Variants in VPS13D observed in about 807,000 individuals in gnomAD.
VPS13D encodes intermembrane lipid transfer protein VPS13D.
Under a neutral mutation model 461.9 loss-of-function variants are expected in VPS13D, and 187 were observed. The ratio of observed to expected loss-of-function variants is 0.40; its 90% confidence interval spans 0.36 to 0.46. The LOEUF (loss-of-function observed/expected upper bound fraction) is 0.46. Among genes scored for constraint, VPS13D ranks in the 20% least tolerant of loss-of-function variants. The pLI is 0.60. For missense variants in VPS13D, 4,711 were observed against 5,364.9 expected, an observed-to-expected ratio of 0.88 and a Z score of 3.81; for synonymous variants, 1,951 against 1,986.3, an observed-to-expected ratio of 0.98 and a Z score of 0.47.
At chr1:12,361,095 G>A (rs1461463745) in intron 50 of VPS13D, among the ~76,000 whole-genome samples, 1 of 152,234 alleles carries the variant, frequency 6.6e-6, no homozygotes, top group African/African-American at 2.4e-5. Context: ...CCATGCCTTC[G>A]TTTCCTCATC....
At chr1:12,423,375 G>A (rs80197210) in intron 65 of VPS13D, among the ~76,000 whole-genome samples, 5,355 of 152,196 alleles carry the variant, frequency 0.035, 195 homozygotes, top group Admixed American at 0.11. Context: ...ATGCCTCTAT[G>A]TGTTAAACAA....
At chr1:12,308,164 C>T (rs1394882556) in intron 26 of VPS13D, among the ~76,000 whole-genome samples, 3 of 152,102 alleles carry the variant, frequency 2.0e-5, no homozygotes, top group South Asian at 2.1e-4. Context: ...GGGCATGAGA[C>T]ACCGTAGAAC....
intron 24 of VPS13D, among the ~76,000 whole-genome samples, chr1:12,295,078 CG>C (rs142108606): frequency 0.064 from 9,526 of 148,760 alleles, 825 homozygotes; most frequent in African/African-American, 0.2. Flanking sequence ...AGAAATTAGC[CG>C]GGTGTGGTGA....
chr1:12,444,929 T>A (rs1645174724), intron 65 of VPS13D, among the ~76,000 whole-genome samples: 1 of 152,224 alleles, frequency 6.6e-6, no homozygotes, highest in Non-Finnish European at 1.5e-5. Flanking sequence ...AGTTTTTAAA[T>A]TTTCCCCCAT....
chr1:12,446,205 A>G (rs1025164414), intron 65 of VPS13D, among the ~76,000 whole-genome samples: 4 of 152,166 alleles, frequency 2.6e-5, no homozygotes, highest in South Asian at 2.1e-4. Context: ...TCATGAGGTC[A>G]GGAGTTTGAG....
chr1:12,358,955 A>AT (rs1475673432), intron 50 of VPS13D, among the ~76,000 whole-genome samples: 1 of 152,202 alleles, frequency 6.6e-6, no homozygotes, highest in African/African-American at 2.4e-5. Flanking sequence ...ATTCATTAAA[A>AT]TTTGCAAGCC....
At chr1:12,487,928 A>G (rs1645822742) in intron 67 of VPS13D, among the ~76,000 whole-genome samples, 1 of 152,216 alleles carries the variant, frequency 6.6e-6, no homozygotes, top group African/African-American at 2.4e-5. Flanking sequence ...AATTTCAATT[A>G]TGAGAATTTG....
chr1:12,357,728 G>C (rs1018681267), intron 49 of VPS13D, among the ~76,000 whole-genome samples: 4 of 152,192 alleles, frequency 2.6e-5, no homozygotes, highest in African/African-American at 9.7e-5. Flanking sequence ...GTATCAGGCC[G>C]GCTGGGTACG....
intron 2 of VPS13D, among the ~76,000 whole-genome samples, chr1:12,239,905 G>A (rs1640289129): frequency 2.0e-5 from 3 of 151,840 alleles, no homozygotes; most frequent in African/African-American, 7.3e-5. Flanking sequence ...AGTACATTGG[G>A]GTCTGTCTGG....
chr1:12,352,192 A>G (rs1050211334), intron 46 of VPS13D, among the ~76,000 whole-genome samples: 2 of 151,852 alleles, frequency 1.3e-5, no homozygotes, highest in African/African-American at 4.8e-5. Flanking sequence ...TCCAGAGGCT[A>G]AGGCAGGAGA....
chr1:12,326,075 A>C (rs1643174933), intron 35 of VPS13D, among the ~76,000 whole-genome samples: 1 of 150,822 alleles, frequency 6.6e-6, no homozygotes, highest in African/African-American at 2.4e-5. Context: ...ATTCCAGCCA[A>C]TTTATGTGTG....
At chr1:12,231,062 C>G (rs1275897600) in intron 1 of VPS13D, among the ~76,000 whole-genome samples, 5 of 152,196 alleles carry the variant, frequency 3.3e-5, no homozygotes, top group Admixed American at 3.3e-4. Context: ...GGTCCGGTTG[C>G]CAGTCCTTCC....
In VPS13D at chr1:12,342,904, C is replaced by T; in HGVS notation, c.8738C>T (p.Ala2913Val). 4 of 1,610,238 alleles carry T rather than the reference C, an allele frequency of 2.5e-6. No homozygotes were observed. The highest frequency in any genetic ancestry group is 3.4e-6 in the Non-Finnish European group (4 of 1,177,198). Residue 2913 changes from alanine (A) to valine (V), a missense_variant, in exon 42 of 70, where the codon GCA (alanine) becomes GTA (valine). Ala to Val is a moderately conservative substitution (Grantham distance 64). Transcript: ENST00000620676. ...GTCATCTGATTTGGTTCCAGAGCTG[C>T]ACTCTCTCACAGTGGGAGTCCAGGG... ...ATLTTTPTRA[A>V]LSHSGSPGVV... is the part of the protein sequence containing the mutation.
chr1:12,402,933 G>A (rs1644599298), intron 62 of VPS13D, among the ~76,000 whole-genome samples: 1 of 152,202 alleles, frequency 6.6e-6, no homozygotes, highest in Non-Finnish European at 1.5e-5. Context: ...GACAGAGGCA[G>A]CATGCAGCCC....
In VPS13D at chr1:12,486,554, C is replaced by T. The variant is rs546877094; in HGVS notation, c.12663-10946C>T. ...CTTTTCCTTCCTGGAAAAGTGCAGA[C>T]GGTGCACGTTCCCCGGAGGCCACCA... On this transcript the variant is annotated intron_variant, in intron 67 of 69. Coordinates refer to ENST00000620676, the MANE Select transcript of VPS13D (RefSeq NM_015378.4). Among the ~76,000 whole-genome samples, 13 of 152,282 alleles carry T rather than the reference C, an allele frequency of 8.5e-5. No individual in the cohort carries two copies. The South Asian group carries it at 1.9e-3, about 22-fold the overall frequency.
intron 65 of VPS13D, among the ~76,000 whole-genome samples, chr1:12,423,440 C>T (rs192633586): frequency 1.4e-4 from 21 of 152,236 alleles, no homozygotes; most frequent in African/African-American, 5.1e-4. Flanking sequence ...CTACCTAGTC[C>T]CACAGTGAAC....
At chr1:12,266,105 C>T (rs1641259098) in intron 13 of VPS13D, among the ~76,000 whole-genome samples, 1 of 152,152 alleles carries the variant, frequency 6.6e-6, no homozygotes, top group African/African-American at 2.4e-5. Context: ...TTTGAAGTTA[C>T]AGTGAGCTAT....
rs759523947 is a variant in VPS13D, at chr1:12,279,614, C to G, written c.4566C>G (p.Ile1522Met). ...CAGATGACCTGGGAACTTCTAGCAT[C>G]ATGAAGATTGAAGGAAAATTTGTCA... Reference protein sequence around the residue: ...LSPDDLGTSSIMKIEGKFVNP... With the variant: ...LSPDDLGTSSMMKIEGKFVNP... The change falls in exon 20 of 70, where the codon ATC becomes ATG. Residue 1522 changes from isoleucine to methionine, a missense_variant. Around this residue, in one of 3 missense-constraint regions of VPS13D, gnomAD observed 4,411 missense variants for 4,937.8 expected, o/e 0.89. Coordinates refer to ENST00000620676, the MANE Select transcript of VPS13D (RefSeq NM_015378.4). This position sits in a 1 kb window ranked among gnomAD's most constrained non-coding sequence, Gnocchi z 4.3. 1 of 1,612,098 alleles carries G rather than the reference C, an allele frequency of 6.2e-7. No homozygotes were observed. The highest frequency in any genetic ancestry group is 1.1e-5 in the South Asian group (1 of 90,790).
At chr1:12,380,929 A>C (rs77455341) in intron 57 of VPS13D, among the ~76,000 whole-genome samples, 3,719 of 152,294 alleles carry the variant, frequency 0.024, 76 homozygotes, top group Non-Finnish European at 0.039. Context: ...AAACTTCTAG[A>C]GGCAAAGAGG....
Sources: gnomAD v4.1 joint callset for allele counts (sites outside exome capture counted in the v4.1 genomes callset) on GRCh38, gnomAD v4.1.1 for gene constraint, gnomAD v4.1.1 regional missense constraint, Gnocchi (gnomAD v3.1) non-coding constraint, MANE v1.5 for transcripts, NCBI Gene and HGNC (gene_info 2026-07-23, HGNC 2026-07-21) for gene names.